The following SDCCAG8 variants were observed in gnomAD, a reference collection of about 807,000 sequenced individuals.
SDCCAG8 encodes the protein serologically defined colon cancer antigen 8.
Under a neutral mutation model 101.8 loss-of-function variants are expected in SDCCAG8, and 74 were observed. The observed-to-expected ratio is 0.73, with a 90% confidence interval of 0.60 to 0.88. The LOEUF (loss-of-function observed/expected upper bound fraction) is 0.88, where lower values mean the gene tolerates loss of function less well. SDCCAG8 is among the 40% of genes least tolerant of loss of function. The pLI is 0.00. For missense variants in SDCCAG8, 787 were observed against 822.6 expected (o/e 0.96, Z 0.53); for synonymous variants, 281 against 292.9 (o/e 0.96, Z 0.41).
At chr1:243,418,213 T>C in intron 15 of SDCCAG8, 137 bp downstream of exon 15, 2 of 676,130 alleles carry the variant, frequency 3.0e-6, no homozygotes. Flanking sequence ...TTGAAAATAT[T>C]TTCTACATAT....
At chr1:243,495,646 T>C (rs1385686350) in intron 17 of SDCCAG8, among the ~76,000 whole-genome samples, 1 of 152,214 alleles carries the variant, frequency 6.6e-6, no homozygotes, top group Non-Finnish European at 1.5e-5. Flanking sequence ...CGCAGGGGCC[T>C]GAGGGTGGCT....
intron 1 of SDCCAG8, among the ~76,000 whole-genome samples, chr1:243,257,207 T>C (rs1187017165): frequency 6.6e-6 from 1 of 152,246 alleles, no homozygotes; most frequent in Non-Finnish European, 1.5e-5. Context: ...ACATATAAAC[T>C]ATAAGTTTCA....
intron 4 of SDCCAG8, among the ~76,000 whole-genome samples, chr1:243,275,488 T>G (rs2068465250): frequency 6.6e-6 from 1 of 152,176 alleles, no homozygotes; most frequent in African/African-American, 2.4e-5. Flanking sequence ...TGTCCTGATT[T>G]TACCGGGGAG....
At chr1:243,315,101 C>T (rs1396102784) in intron 8 of SDCCAG8, among the ~76,000 whole-genome samples, 1 of 152,162 alleles carries the variant, frequency 6.6e-6, no homozygotes, top group Non-Finnish European at 1.5e-5. Flanking sequence ...GTTACTTTTG[C>T]TCTTCATTAA....
intron 10 of SDCCAG8, among the ~76,000 whole-genome samples, chr1:243,337,998 G>A (rs1466643272): frequency 6.6e-6 from 1 of 151,982 alleles, no homozygotes; most frequent in Non-Finnish European, 1.5e-5. Flanking sequence ...ATAGCTCATC[G>A]TATCCTCAAA....
intron 13 of SDCCAG8, among the ~76,000 whole-genome samples, chr1:243,412,908 C>A (rs2080284510): frequency 6.6e-6 from 1 of 151,456 alleles, no homozygotes; most frequent in Non-Finnish European, 1.5e-5. Context: ...CCTTTTAGTT[C>A]TAACATTCTG....
At chr1:243,317,319 A>T (rs75878032) in intron 9 of SDCCAG8, among the ~76,000 whole-genome samples, 103 of 133,548 alleles carry the variant, frequency 7.7e-4, no homozygotes, top group East Asian at 7.5e-3. Context: ...ATTTAGTAGC[A>T]TTTTTTTTTT....
intron 16 of SDCCAG8, among the ~76,000 whole-genome samples, chr1:243,437,061 T>C (rs966980262): frequency 6.6e-6 from 1 of 152,222 alleles, no homozygotes; most frequent in African/African-American, 2.4e-5. Flanking sequence ...GTTTATCTTT[T>C]TGGTAGATCC....
At chr1:243,362,768 A>C (rs2076791778) in intron 12 of SDCCAG8, among the ~76,000 whole-genome samples, 1 of 152,244 alleles carries the variant, frequency 6.6e-6, no homozygotes, top group Non-Finnish European at 1.5e-5. Context: ...AGTGCATAGC[A>C]GTGGAGCTAT....
At chr1:243,498,755 A>C (rs1040770341) in intron 17 of SDCCAG8, among the ~76,000 whole-genome samples, 4 of 152,248 alleles carry the variant, frequency 2.6e-5, no homozygotes, top group African/African-American at 9.6e-5. Flanking sequence ...AGGTTGATAG[A>C]GTCCTCCCTT....
chr1:243,298,207 C>T (rs1332806863), intron 6 of SDCCAG8, among the ~76,000 whole-genome samples: 1 of 151,914 alleles, frequency 6.6e-6, no homozygotes, highest in Non-Finnish European at 1.5e-5. Flanking sequence ...TGCCACCATG[C>T]CCAGCTAATT....
intron 4 of SDCCAG8, among the ~76,000 whole-genome samples, chr1:243,282,176 T>C (rs758871254): frequency 2.6e-5 from 4 of 152,020 alleles, no homozygotes; most frequent in Non-Finnish European, 5.9e-5. Context: ...TTTTTTCCAA[T>C]TCACATATCA....
At chr1:243,381,691 A>G (rs879923793) in intron 13 of SDCCAG8, among the ~76,000 whole-genome samples, 1 of 152,206 alleles carries the variant, frequency 6.6e-6, no homozygotes, top group African/African-American at 2.4e-5. Context: ...AGCACCTACT[A>G]TGTTTTAAGT....
At chr1:243,432,429 A>G (rs1169143338) in intron 16 of SDCCAG8, among the ~76,000 whole-genome samples, 1 of 152,136 alleles carries the variant, frequency 6.6e-6, no homozygotes, top group African/African-American at 2.4e-5. Context: ...ACTAATGGGT[A>G]CTCGGCTTAA....
At chr1:243,486,487 C>T (rs1434793655) in intron 16 of SDCCAG8, among the ~76,000 whole-genome samples, 2 of 152,164 alleles carry the variant, frequency 1.3e-5, no homozygotes, top group South Asian at 2.1e-4. Flanking sequence ...CCCCAGTAAT[C>T]GCTATAGCCT....
chr1:243,329,762 G>T (rs1424173376), intron 9 of SDCCAG8, among the ~76,000 whole-genome samples: 1 of 152,116 alleles, frequency 6.6e-6, no homozygotes, highest in Non-Finnish European at 1.5e-5. Flanking sequence ...TGGGATTTTT[G>T]AAGTCATATT....
At chr1:243,276,072 C>T (rs1408860748) in intron 4 of SDCCAG8, among the ~76,000 whole-genome samples, 1 of 151,956 alleles carries the variant, frequency 6.6e-6, no homozygotes, top group African/African-American at 2.4e-5. Flanking sequence ...CCATGTTGGC[C>T]AGCATGGTCT....
At chr1:243,325,233 A>T (rs909948986) in intron 9 of SDCCAG8, among the ~76,000 whole-genome samples, 12 of 152,354 alleles carry the variant, frequency 7.9e-5, no homozygotes, top group South Asian at 2.1e-4. Flanking sequence ...TTAATTTTTT[A>T]AAAAATTTAA....
rs35061154 is a variant in SDCCAG8 at position 243,298,350 on chromosome 1, C to CTTT, written c.675+5153_675+5155dup. ...ACAGGCATGAGCCACCGCACCCTGC[C>CTTT]TTTTTTTTTTTTTTTTTTTTTTTTG... On this transcript the variant is annotated intron_variant, in intron 6 of 17. Transcript: ENST00000366541. 5.3e-3 allele frequency among the ~76,000 whole-genome samples: 268 copies of CTTT among 51,028 alleles called. 1 individual carries two copies. Among genetic ancestry groups the CTTT allele is most frequent in the Middle Eastern group, 0.042 (2 of 48 alleles). 33.5% of individuals were successfully genotyped at this position (51,028 alleles called of 152,430 possible). A position where few individuals can be genotyped will look rare whatever the true frequency, so the allele number is the denominator to read the frequency against.
Sources: allele counts gnomAD v4.1 joint callset (sites outside exome capture counted in the v4.1 genomes callset), GRCh38; gene constraint gnomAD v4.1.1; transcripts MANE v1.5; gene names NCBI Gene and HGNC (gene_info 2026-07-23, HGNC 2026-07-21).